ANK1: variants seen among roughly 807,000 people sequenced by gnomAD.
ANK1 encodes the protein ankyrin-1.
A neutral mutation model predicts 210.4 loss-of-function variants in ANK1; 51 were observed. The ratio of observed to expected loss-of-function variants is 0.24; its 90% CI spans 0.19 to 0.31. The LOEUF (loss-of-function observed/expected upper bound fraction) is 0.31, where lower values mean the gene tolerates loss of function less well. Ranked by LOEUF, ANK1 falls within the 10% of genes least tolerant of loss-of-function variation. The pLI is 1.00. For synonymous variants in ANK1, 967 were observed against 1,025.9 expected (o/e 0.94, Z 1.10); for missense variants, 2,051 against 2,504.4 (o/e 0.82, Z 3.86).
intron 5 of ANK1, 44 bp downstream of exon 5, chr8:41,727,206 C>T: frequency 6.6e-7 from 1 of 1,513,562 alleles, no homozygotes. Flanking sequence ...GGTTGTACAC[C>T]TGGGAGACTT....
chr8:41,783,602 C>A (rs189845514), intron 1 of ANK1, among the ~76,000 whole-genome samples: 4 of 142,432 alleles, frequency 2.8e-5, no homozygotes, highest in Non-Finnish European at 6.0e-5. Context: ...AAAATCTGAA[C>A]GCCATCCTCT....
At chr8:41,853,378 G>C (rs1811617325) in intron 1 of ANK1, among the ~76,000 whole-genome samples, 2 of 152,182 alleles carry the variant, frequency 1.3e-5, no homozygotes, top group Non-Finnish European at 1.5e-5. Context: ...AAAGGCAAAA[G>C]AAGGAGGGAA....
chr8:41,895,379 C>T (rs570642719), intron 1 of ANK1, among the ~76,000 whole-genome samples: 5 of 152,288 alleles, frequency 3.3e-5, no homozygotes, highest in Middle Eastern at 3.4e-3. Context: ...CTCTTGGCCT[C>T]CTCCGTGGCT....
In ANK1 at chr8:41,875,203, C is replaced by G. The variant is rs146604053; in HGVS notation, c.126+21152G>C. Among the ~76,000 whole-genome samples the G allele has an allele frequency of 4.5e-3, 689 of 152,320 alleles. 6 individuals are homozygous for G. The highest frequency in any genetic ancestry group is 9.8e-3 in the Admixed American group (150 of 15,300). ...AGTCCTGGTCACCCAGATGCGGGGG[C>G]TCCTGCACCTCTTGTCCCCCACAGG... is the stretch of plus-strand genomic sequence containing the variant. On this transcript the variant is annotated intron_variant, in intron 1 of 42. Coordinates refer to the ANK1 transcript ENST00000265709.
chr8:41,811,175 C>T (rs545477084), intron 1 of ANK1, among the ~76,000 whole-genome samples: 32 of 152,260 alleles, frequency 2.1e-4, no homozygotes, highest in Non-Finnish European at 3.5e-4. Context: ...TATCCTTTAG[C>T]AAAGCTCAAG....
At chr8:41,894,913 C>T (rs1051170494) in intron 1 of ANK1, among the ~76,000 whole-genome samples, 2 of 152,102 alleles carry the variant, frequency 1.3e-5, no homozygotes, top group African/African-American at 2.4e-5. Flanking sequence ...GGCCCCTTTT[C>T]GGTCCTCTAA....
At chr8:41,808,658 T>C (rs1422407787) in intron 1 of ANK1, among the ~76,000 whole-genome samples, 2 of 152,026 alleles carry the variant, frequency 1.3e-5, no homozygotes, top group Non-Finnish European at 2.9e-5. Flanking sequence ...AGAGCGAGAC[T>C]CTGTCTAAAA....
In ANK1 at chr8:41,723,503, C is replaced by A. The variant is rs1457350760; in HGVS notation, c.810+32G>T. On this transcript the variant is annotated intron_variant, in intron 8 of 42. Coordinates refer to ENST00000289734, the MANE Select transcript of ANK1 (RefSeq NM_000037.4). ...GCTTGTGAGGGGGGACCTCCCTCCC[C>A]CTGCCTGGCTACAGCACCTGCTGGC... 3 of 1,611,724 alleles carry A rather than the reference C, an allele frequency of 1.9e-6. No homozygotes were observed. In the African/African-American group the frequency reaches 4.0e-5, roughly 22 times the overall value.
chr8:41,788,243 G>C (rs1846841632), intron 1 of ANK1, among the ~76,000 whole-genome samples: 1 of 152,176 alleles, frequency 6.6e-6, no homozygotes, highest in South Asian at 2.1e-4. Flanking sequence ...CATTGGTTGT[G>C]ACTGACTTGC....
At chr8:41,872,470 G>A (rs575243734) in intron 1 of ANK1, among the ~76,000 whole-genome samples, 2 of 152,310 alleles carry the variant, frequency 1.3e-5, no homozygotes, top group South Asian at 2.1e-4. Flanking sequence ...GCCGGGGTTC[G>A]AATCTAGCCC....
chr8:41,879,725 C>G (rs1247288076), intron 1 of ANK1, among the ~76,000 whole-genome samples: 1 of 152,174 alleles, frequency 6.6e-6, no homozygotes, highest in Non-Finnish European at 1.5e-5. Context: ...CAGCGCAGCC[C>G]GCTCAGACCT....
chr8:41,688,909 G>A (rs141004087), intron 33 of ANK1, among the ~76,000 whole-genome samples: 27 of 152,258 alleles, frequency 1.8e-4, no homozygotes, highest in Admixed American at 1.5e-3. Flanking sequence ...TCATCAATAC[G>A]TAAACTGAGG....
At chr8:41,809,188 A>T (rs560778225) in intron 1 of ANK1, among the ~76,000 whole-genome samples, 2 of 152,240 alleles carry the variant, frequency 1.3e-5, no homozygotes, top group South Asian at 4.2e-4. Context: ...TGTACATGTT[A>T]CTGAGTTAAG....
intron 1 of ANK1, among the ~76,000 whole-genome samples, chr8:41,882,469 C>T (rs1817753415): frequency 6.6e-6 from 1 of 152,138 alleles, no homozygotes; most frequent in Non-Finnish European, 1.5e-5. Flanking sequence ...TGTTCAGCAC[C>T]TGGAGCTTCC....
intron 42 of ANK1, among the ~76,000 whole-genome samples, chr8:41,658,091 C>A (rs1158377694): frequency 6.6e-6 from 1 of 152,122 alleles, no homozygotes; most frequent in Non-Finnish European, 1.5e-5. Context: ...ACCACATTGC[C>A]CAGGCTCATC....
intron 40 of ANK1, among the ~76,000 whole-genome samples, chr8:41,662,805 C>T (rs183918123): frequency 7.2e-5 from 11 of 152,252 alleles, no homozygotes; most frequent in Non-Finnish European, 1.3e-4. Flanking sequence ...GAGATCCTGC[C>T]TCAGCTCCTC....
intron 2 of ANK1, among the ~76,000 whole-genome samples, chr8:41,753,974 G>A (rs892138799): frequency 5.3e-5 from 8 of 152,248 alleles, no homozygotes; most frequent in African/African-American, 1.9e-4. Context: ...CACCTCAGCT[G>A]TCTCTTCCTC....
At chr8:41,829,975 C>T (rs1176877266) in intron 1 of ANK1, 1 of 149,044 alleles carries the variant, frequency 6.7e-6, no homozygotes, top group East Asian at 2.0e-4. Context: ...GTGACAAGGC[C>T]TTTAGTTTTT....
chr8:41,707,796 G>A (rs1825020996), intron 17 of ANK1, among the ~76,000 whole-genome samples: 1 of 152,104 alleles, frequency 6.6e-6, no homozygotes, highest in East Asian at 1.9e-4. Flanking sequence ...TAAAAAATGT[G>A]CCAGATTTTG....
Sources: allele counts gnomAD v4.1 joint callset (sites outside exome capture counted in the v4.1 genomes callset), GRCh38; gene constraint gnomAD v4.1.1; transcripts MANE v1.5; gene names NCBI Gene and HGNC (gene_info 2026-07-23, HGNC 2026-07-21).